GPC6: variants seen among roughly 807,000 people sequenced by gnomAD.
GPC6 encodes the protein glypican 6.
In GPC6, 14 loss-of-function variants were observed where a neutral mutation model predicts 55.2. The ratio of observed to expected loss-of-function variants is 0.25; its 90% CI spans 0.17 to 0.40. The LOEUF is 0.40. Ranked by LOEUF, GPC6 falls within the 10% of genes least tolerant of loss-of-function variation. The pLI is 1.00. For missense variants in GPC6, 641 were observed against 708.5 expected (o/e 0.90, Z 1.08); for synonymous variants, 278 against 259.6 (o/e 1.07, Z -0.68).
intron 4 of GPC6, among the ~76,000 whole-genome samples, chr13:94,147,132 C>T (rs530947100): frequency 6.6e-5 from 10 of 152,192 alleles, no homozygotes; most frequent in African/African-American, 2.4e-4. Context: ...CTAAAATAAA[C>T]TAGAAAATTG....
chr13:94,101,414 G>A (rs1885855259), intron 4 of GPC6, among the ~76,000 whole-genome samples: 1 of 152,162 alleles, frequency 6.6e-6, no homozygotes, highest in South Asian at 2.1e-4. Context: ...GTGATCACCT[G>A]TAGCCCTATC....
intron 3 of GPC6, among the ~76,000 whole-genome samples, chr13:94,019,338 G>A (rs547868192): frequency 1.3e-5 from 2 of 152,042 alleles, no homozygotes; most frequent in Non-Finnish European, 2.9e-5. Context: ...TATAATTTGT[G>A]GGTGTATATT....
chr13:94,179,276 T>A (rs910526482), intron 4 of GPC6, among the ~76,000 whole-genome samples: 1 of 152,206 alleles, frequency 6.6e-6, no homozygotes, highest in Admixed American at 6.5e-5. Flanking sequence ...GACGCTGCAT[T>A]TGTCTGTACA....
At chr13:94,386,478 T>C (rs1228490845) in intron 7 of GPC6, among the ~76,000 whole-genome samples, 2 of 150,996 alleles carry the variant, frequency 1.3e-5, no homozygotes, top group African/African-American at 4.9e-5. Flanking sequence ...TAATCTTAAC[T>C]ACTCAGAAGG....
intron 2 of GPC6, among the ~76,000 whole-genome samples, chr13:93,810,460 GGTGACTATT>G (rs1886661831): frequency 6.6e-6 from 1 of 152,150 alleles, no homozygotes; most frequent in African/African-American, 2.4e-5. Context: ...TTTGTTCGAA[GGTGACTATT>G]GTTTGTTTTT....
chr13:94,345,709 C>G (rs913412157), intron 6 of GPC6, among the ~76,000 whole-genome samples: 5 of 152,190 alleles, frequency 3.3e-5, no homozygotes, highest in African/African-American at 1.2e-4. Context: ...CCTGTCAGGG[C>G]TGGCTCCTGG....
Position 94,407,796 on chromosome 13 carries a change from T to A in GPC6, c.*4579T>A, listed in dbSNP as rs1881425073. On this transcript the variant is annotated 3_prime_UTR_variant, in exon 9 of 9. Transcript: ENST00000377047. ...TTTTTATACTTCTGAAATGTTTCCA[T>A]CCTCTCAGGCATGCTAAATATTGTA... Among the ~76,000 whole-genome samples, 1 of 152,192 alleles carries A rather than the reference T, an allele frequency of 6.6e-6. No individual in the cohort carries two copies. Among genetic ancestry groups the A allele is most frequent in the African/African-American group, 2.4e-5 (1 of 41,452 alleles).
At chr13:93,969,730 C>T (rs556312755) in intron 3 of GPC6, among the ~76,000 whole-genome samples, 52 of 152,028 alleles carry the variant, frequency 3.4e-4, no homozygotes, top group African/African-American at 1.2e-3. Context: ...TCCCTCCCCT[C>T]TATTCTTCCT....
At chr13:93,524,532 C>T (rs1881573106) in intron 1 of GPC6, among the ~76,000 whole-genome samples, 1 of 152,004 alleles carries the variant, frequency 6.6e-6, no homozygotes, top group African/African-American at 2.4e-5. Flanking sequence ...TTACATTGGT[C>T]CACCTCTAAT....
intron 3 of GPC6, among the ~76,000 whole-genome samples, chr13:93,980,204 T>C (rs1272279592): frequency 1.3e-5 from 2 of 152,128 alleles, no homozygotes; most frequent in African/African-American, 4.8e-5. Flanking sequence ...GGTTGTCACA[T>C]GATGAATTTA....
intron 3 of GPC6, among the ~76,000 whole-genome samples, chr13:93,981,468 TAAC>T (rs1880801309): frequency 6.6e-6 from 1 of 152,124 alleles, no homozygotes; most frequent in South Asian, 2.1e-4. Context: ...TTGTATGAAA[TAAC>T]AAATAAGAAA....
At chr13:93,969,246 C>T (rs1880181829) in intron 3 of GPC6, among the ~76,000 whole-genome samples, 1 of 152,108 alleles carries the variant, frequency 6.6e-6, no homozygotes, top group Non-Finnish European at 1.5e-5. Context: ...ATCAGCAAAA[C>T]CCATTCAGTT....
intron 3 of GPC6, among the ~76,000 whole-genome samples, chr13:93,986,521 CAG>C (rs1196545418): frequency 2.6e-5 from 4 of 152,042 alleles, no homozygotes; most frequent in Non-Finnish European, 5.9e-5. Flanking sequence ...TTTGAAATAA[CAG>C]GAGTTCAGAT....
At chr13:93,797,328 C>T (rs1228728673) in intron 2 of GPC6, among the ~76,000 whole-genome samples, 1 of 152,122 alleles carries the variant, frequency 6.6e-6, no homozygotes, top group Non-Finnish European at 1.5e-5. Context: ...ACCATCTTCA[C>T]AGAGGTTAGA....
chr13:94,243,872 G>C (rs944534054), intron 4 of GPC6, among the ~76,000 whole-genome samples: 2 of 152,128 alleles, frequency 1.3e-5, no homozygotes, highest in African/African-American at 4.8e-5. Context: ...AGATGTAAAT[G>C]CTGTGCCATG....
rs201590405 is a variant in GPC6 at position 94,027,828 on chromosome 13, C to G, written c.811C>G (p.Leu271Val). Residue 271 changes from leucine to valine, a missense_variant, in exon 4 of 9, where the codon CTC (leucine) becomes GTC (valine). By Grantham distance (32) the Leu-to-Val change is conservative. Transcript: ENST00000377047. ...TGTGAGGCCCTGCAACAACTACTGT[C>G]TCAACGTCATGAAGGGCTGCTTGGC... Reference protein sequence around the residue: ...PTVRPCNNYCLNVMKGCLANQ... With the variant: ...PTVRPCNNYCVNVMKGCLANQ... 2.5e-6 allele frequency: 4 copies of G among 1,614,040 alleles called. No homozygotes were observed. The South Asian group carries it at 4.4e-5, about 18-fold the overall frequency.
chr13:94,037,634 G>A (rs1001620499), intron 4 of GPC6, among the ~76,000 whole-genome samples: 2 of 152,038 alleles, frequency 1.3e-5, no homozygotes, highest in Non-Finnish European at 2.9e-5. Flanking sequence ...TGGGAAAACT[G>A]AAACCAGAGA....
At chr13:93,381,045 T>C (rs1875147563) in intron 1 of GPC6, among the ~76,000 whole-genome samples, 1 of 152,182 alleles carries the variant, frequency 6.6e-6, no homozygotes, top group Non-Finnish European at 1.5e-5. Context: ...TCTGAAAGCA[T>C]AAATTGTGAG....
chr13:93,925,576 T>A (rs1285215778), intron 3 of GPC6, among the ~76,000 whole-genome samples: 1 of 152,168 alleles, frequency 6.6e-6, no homozygotes, highest in Non-Finnish European at 1.5e-5. Context: ...CATTTACCAG[T>A]ATTTAGTGCA....
Sources: gnomAD v4.1 joint callset for allele counts (sites outside exome capture counted in the v4.1 genomes callset) on GRCh38, gnomAD v4.1.1 for gene constraint, MANE v1.5 for transcripts, NCBI Gene and HGNC (gene_info 2026-07-23, HGNC 2026-07-21) for gene names.